Variants in FBXL7 observed in about 807,000 individuals in gnomAD.
FBXL7 encodes F-box and leucine rich repeat protein 7, also known as F-box/LRR-repeat protein 7.
A neutral mutation model predicts 38.3 loss-of-function variants in FBXL7; 12 were observed. That is an observed-to-expected ratio of 0.31 (90% CI 0.20 to 0.51). The LOEUF is 0.51. Among genes scored for constraint, FBXL7 ranks in the 20% least tolerant of loss-of-function variants. The pLI, the probability that FBXL7 is intolerant of heterozygous loss-of-function variation, is 0.98. For synonymous variants in FBXL7, 297 were observed against 300.9 expected (o/e 0.99, Z 0.13); for missense variants, 567 against 676.4 (o/e 0.84, Z 1.79).
intron 2 of FBXL7, among the ~76,000 whole-genome samples, chr5:15,637,817 A>G (rs180873445): frequency 6.6e-6 from 1 of 152,238 alleles, no homozygotes; most frequent in Non-Finnish European, 1.5e-5. Context: ...GAGATCTATG[A>G]TTTAAAATTG....
intron 1 of FBXL7, among the ~76,000 whole-genome samples, chr5:15,548,300 T>A (rs1253557068): frequency 6.6e-6 from 1 of 152,184 alleles, no homozygotes; most frequent in East Asian, 1.9e-4. Flanking sequence ...CAAGGTAAAC[T>A]CCTTTGAAGG....
At chr5:15,535,300 C>T (rs186153690) in intron 1 of FBXL7, among the ~76,000 whole-genome samples, 2 of 152,182 alleles carry the variant, frequency 1.3e-5, no homozygotes, top group African/African-American at 2.4e-5. Context: ...GTGGAAGCAA[C>T]GTTGGAACTG....
intron 1 of FBXL7, 24 bp downstream of exon 1, chr5:15,500,737 A>G (rs777955665): frequency 6.2e-7 from 1 of 1,600,198 alleles, no homozygotes; most frequent in Non-Finnish European, 8.5e-7. Context: ...CCGTCCTCAG[A>G]CTCCCGGATC....
intron 2 of FBXL7, among the ~76,000 whole-genome samples, chr5:15,880,539 C>T (rs1487738267): frequency 1.3e-5 from 2 of 152,092 alleles, no homozygotes; most frequent in Non-Finnish European, 2.9e-5. Flanking sequence ...ACTCTTCTTA[C>T]AGCTGTTTAA....
At chr5:15,691,784 T>A (rs1447521614) in intron 2 of FBXL7, among the ~76,000 whole-genome samples, 5 of 152,196 alleles carry the variant, frequency 3.3e-5, no homozygotes, top group Non-Finnish European at 7.3e-5. Flanking sequence ...TCTAAAGATT[T>A]CCTTATCATT....
chr5:15,876,398 T>C (rs1257103635), intron 2 of FBXL7, among the ~76,000 whole-genome samples: 1 of 151,284 alleles, frequency 6.6e-6, no homozygotes, highest in African/African-American at 2.4e-5. Context: ...TAAAGTATAA[T>C]AATTAAAAAA....
intron 2 of FBXL7, among the ~76,000 whole-genome samples, chr5:15,803,799 T>C (rs1420836549): frequency 6.6e-6 from 1 of 152,170 alleles, no homozygotes; most frequent in East Asian, 1.9e-4. Flanking sequence ...ACTTGCCCCT[T>C]TACCAGGGCA....
Position 15,938,107 on chromosome 5 carries a change from T to A in FBXL7, c.*921T>A, listed in dbSNP as rs1238041452. 2 of 152,158 alleles carry A rather than the reference T, an allele frequency of 1.3e-5. No individual in the cohort carries two copies. The highest frequency in any genetic ancestry group is 2.9e-5 in the Non-Finnish European group (2 of 68,050). The allele number at this position is 152,158 out of a possible 1,614,324, so 9.4% of individuals were successfully genotyped here. On this transcript the variant is annotated 3_prime_UTR_variant, in exon 4 of 4. Transcript: ENST00000504595. Reference sequence around the variant, plus strand: ...CCTGTGTTTCAGTGGGAGAATTTCCTCTCCCACCTCCTCACATCCTCTTTT... The same window carrying A: ...CCTGTGTTTCAGTGGGAGAATTTCCACTCCCACCTCCTCACATCCTCTTTT...
chr5:15,576,655 G>A (rs1020989695), intron 1 of FBXL7, among the ~76,000 whole-genome samples: 1 of 152,082 alleles, frequency 6.6e-6, no homozygotes, highest in African/African-American at 2.4e-5. Context: ...AATGGCTGGT[G>A]TGGATCACTG....
chr5:15,718,225 A>G (rs1744097388), intron 2 of FBXL7, among the ~76,000 whole-genome samples: 1 of 152,166 alleles, frequency 6.6e-6, no homozygotes, highest in Admixed American at 6.6e-5. Context: ...ATGTTAAACA[A>G]TTGGTAAATC....
chr5:15,641,502 ATT>A (rs201635639), intron 2 of FBXL7, among the ~76,000 whole-genome samples: 65 of 143,072 alleles, frequency 4.5e-4, no homozygotes, highest in Admixed American at 4.9e-4. Context: ...TATGACTGCC[ATT>A]TTTTTTTTTT....
chr5:15,827,776 C>T (rs1738355331), intron 2 of FBXL7, among the ~76,000 whole-genome samples: 1 of 152,198 alleles, frequency 6.6e-6, no homozygotes, highest in Non-Finnish European at 1.5e-5. Context: ...ACATTCAAAC[C>T]ATGGCTGCTA....
intron 1 of FBXL7, among the ~76,000 whole-genome samples, chr5:15,555,854 C>T (rs1179625993): frequency 6.6e-6 from 1 of 151,470 alleles, no homozygotes; most frequent in East Asian, 2.0e-4. Context: ...CAGCAGTGCC[C>T]ACAGAAAGGG....
intron 2 of FBXL7, among the ~76,000 whole-genome samples, chr5:15,642,682 A>G (rs532627330): frequency 2.0e-5 from 3 of 152,176 alleles, no homozygotes; most frequent in South Asian, 4.1e-4. Flanking sequence ...GTACTCTTAG[A>G]TAGGAGACAG....
chr5:15,723,661 G>T (rs1157680627), intron 2 of FBXL7, among the ~76,000 whole-genome samples: 1 of 152,194 alleles, frequency 6.6e-6, no homozygotes, highest in African/African-American at 2.4e-5. Context: ...CATAATTGGA[G>T]AATGATGAGT....
At chr5:15,535,122 T>G (rs1397503029) in intron 1 of FBXL7, among the ~76,000 whole-genome samples, 1 of 152,226 alleles carries the variant, frequency 6.6e-6, no homozygotes. Flanking sequence ...CTGCCATGAT[T>G]GTAAGTTTCT....
intron 2 of FBXL7, among the ~76,000 whole-genome samples, chr5:15,761,786 T>G (rs1561116239): frequency 1.3e-5 from 2 of 152,182 alleles, no homozygotes; most frequent in Non-Finnish European, 2.9e-5. Context: ...ACTCGAGTGA[T>G]CTGCCCACTT....
At chr5:15,706,163 G>T (rs553252942) in intron 2 of FBXL7, among the ~76,000 whole-genome samples, 5 of 152,290 alleles carry the variant, frequency 3.3e-5, no homozygotes, top group African/African-American at 1.2e-4. Flanking sequence ...ACGTTGAATA[G>T]TATTCCCCAG....
intron 2 of FBXL7, among the ~76,000 whole-genome samples, chr5:15,763,330 A>G (rs1238160684): frequency 1.3e-5 from 2 of 152,210 alleles, no homozygotes; most frequent in Non-Finnish European, 2.9e-5. Context: ...TATGATGTGT[A>G]ATATATGGTA....
Sources: gnomAD v4.1 joint callset for allele counts (sites outside exome capture counted in the v4.1 genomes callset) on GRCh38, gnomAD v4.1.1 for gene constraint, MANE v1.5 for transcripts, NCBI Gene and HGNC (gene_info 2026-07-23, HGNC 2026-07-21) for gene names.